Variants in PCDHGA7 observed in about 807,000 individuals in gnomAD.
PCDHGA7 encodes protocadherin gamma subfamily A, 7.
In PCDHGA7, 44 loss-of-function variants were observed where a neutral mutation model predicts 58.3. The ratio of observed to expected loss-of-function variants is 0.75; its 90% CI spans 0.59 to 0.97. The LOEUF is 0.97. Among genes scored for constraint, PCDHGA7 ranks in the 50% least tolerant of loss-of-function variants. The probability of loss-of-function intolerance (pLI) is 0.00; values close to 1 mark genes in which losing one functional copy is unlikely to be tolerated. For missense variants in PCDHGA7, 1,266 were observed against 1,188.7 expected (o/e 1.06, Z -0.96); for synonymous variants, 516 against 504.2 (o/e 1.02, Z -0.31).
chr5:141,463,438 CTTTTTTTT>C (rs71576115), intron 1 of PCDHGA7, among the ~76,000 whole-genome samples: 7 of 103,252 alleles, frequency 6.8e-5, no homozygotes, highest in East Asian at 2.4e-4. Flanking sequence ...TTTCCTTCTC[CTTTTTTTT>C]TTTTTTTTTT....
At position 141,491,692 on chromosome 5, in the gene PCDHGA7, C is replaced by T. The variant is rs749349869; in HGVS notation, c.2425-3115C>T. On this transcript the variant is annotated intron_variant, in intron 1 of 3. Coordinates refer to ENST00000518325, the MANE Select transcript of PCDHGA7 (RefSeq NM_018920.4). This position sits in a 1 kb window ranked among gnomAD's most constrained non-coding sequence, Gnocchi z 6.9. ...GTCCCGCTCTAATACGCTGCGGGAG[C>T]GGAGCCAGGTGAGGGGCTCGGCGCC... is the stretch of plus-strand genomic sequence containing the variant. 1 of 1,612,594 alleles carries T rather than the reference C, an allele frequency of 6.2e-7. No homozygotes were observed. The highest frequency in any genetic ancestry group is 8.5e-7 in the Non-Finnish European group (1 of 1,179,340).
intron 1 of PCDHGA7, among the ~76,000 whole-genome samples, chr5:141,470,036 C>T (rs573955901): frequency 5.3e-5 from 8 of 152,022 alleles, no homozygotes; most frequent in South Asian, 2.1e-4. Flanking sequence ...TGCTGAGGCG[C>T]GAGAACTGTT....
chr5:141,474,962 A>G (rs954703806), intron 1 of PCDHGA7, among the ~76,000 whole-genome samples: 3 of 152,256 alleles, frequency 2.0e-5, no homozygotes, highest in Non-Finnish European at 4.4e-5. Flanking sequence ...CACTATCCTA[A>G]TCATTATAAT....
At chr5:141,498,530 A>G (rs1275299749) in intron 2 of PCDHGA7, among the ~76,000 whole-genome samples, 1 of 149,364 alleles carries the variant, frequency 6.7e-6, no homozygotes, top group Non-Finnish European at 1.5e-5. Flanking sequence ...ACTGCCCTCC[A>G]GCCTGGTCTG....
intron 1 of PCDHGA7, chr5:141,426,967 T>G (rs151241654): frequency 2.2e-6 from 1 of 456,702 alleles, no homozygotes; most frequent in East Asian, 6.9e-5. Context: ...GCAATTCAAA[T>G]TGAGGTCACT....
chr5:141,384,913 T>C lies in PCDHGA7; in HGVS notation c.2014T>C (p.Leu672=). 1 of 1,613,988 alleles carries C rather than the reference T, an allele frequency of 6.2e-7. No individual in the cohort carries two copies. The highest frequency in any genetic ancestry group is 8.5e-7 in the Non-Finnish European group (1 of 1,180,014). The stretch of plus-strand genomic sequence containing the variant: ...TGTGGCTGACAGCATCCCCGAAGTC[T>C]TGGCCGACCTGGGCAGCCTTGAGCC... The part of the protein sequence containing the change: ...VAVADSIPEV[L]ADLGSLEPSD... Residue 672 remains leucine (L), a synonymous_variant, in exon 1 of 4, where the codon TTG becomes CTG. Transcript: ENST00000518325.
chr5:141,490,417 C>A lies in PCDHGA7; in HGVS notation c.2425-4390C>A, dbSNP rs767996336. ...AGTGAGCCTTGATATCTCTCCGGAC[C>A]TGCCATTTCAGATTAAGCCTTCTGA... On this transcript the variant is annotated intron_variant, in intron 1 of 3. Transcript: ENST00000518325. The surrounding 1 kb of genome is among the most constrained non-coding windows in gnomAD (Gnocchi z 5.4). 4.3e-6 allele frequency: 7 copies of A among 1,614,196 alleles called. No homozygotes were observed. In the South Asian group the frequency reaches 7.7e-5, roughly 18 times the overall value.
At chr5:141,500,369 C>T (rs1034629981) in intron 2 of PCDHGA7, among the ~76,000 whole-genome samples, 4 of 151,866 alleles carry the variant, frequency 2.6e-5, no homozygotes, top group Admixed American at 6.6e-5. Flanking sequence ...CTACCACGCC[C>T]GGCTAATTAT....
In PCDHGA7 at chr5:141,454,796, A is replaced by ATTTTTTTTTTTTTTTTTTT. The variant is rs61612330; in HGVS notation, c.2425-40000_2425-39982dup. Among the ~76,000 whole-genome samples the ATTTTTTTTTTTTTTTTTTT allele has an allele frequency of 2.8e-4, 22 of 77,458 alleles. 2 individuals are homozygous for ATTTTTTTTTTTTTTTTTTT. Among genetic ancestry groups the ATTTTTTTTTTTTTTTTTTT allele is most frequent in the East Asian group, 4.0e-4 (1 of 2,512 alleles). The allele number at this position is 77,458 out of a possible 152,430, so 50.8% of individuals were successfully genotyped here. The stretch of plus-strand genomic sequence containing the variant: ...AAGGAAATAATCCTCCATGGTTCTA[A>ATTTTTTTTTTTTTTTTTTT]TTTTTTTTTTTTTTTTTTTTTTTTT... On this transcript the variant is annotated intron_variant, in intron 1 of 3. Coordinates refer to ENST00000518325, the MANE Select transcript of PCDHGA7 (RefSeq NM_018920.4).
intron 1 of PCDHGA7, chr5:141,408,916 C>T (rs1379557230): frequency 6.8e-6 from 11 of 1,613,024 alleles, no homozygotes; most frequent in African/African-American, 2.7e-5. Flanking sequence ...CCAATGATAA[C>T]CCCCCGGTTT....
intron 1 of PCDHGA7, chr5:141,398,582 T>A: frequency 6.2e-7 from 1 of 1,614,000 alleles, no homozygotes. Context: ...GGCACAAGAT[T>A]TATACTAGAA....
intron 1 of PCDHGA7, chr5:141,410,860 T>TTTTTTTTTTTTTTTTTTG: frequency 2.3e-6 from 1 of 442,030 alleles, no homozygotes; most frequent in Non-Finnish European, 3.7e-6. Flanking sequence ...TTTTTTTTTT[T>TTTTTTTTTTTTTTTTTTG]TTTTTTTTTT....
In PCDHGA7 at chr5:141,418,848, G is replaced by A. The variant is rs770294020; in HGVS notation, c.2424+33525G>A. 20 of 1,613,836 alleles carry A rather than the reference G, an allele frequency of 1.2e-5. No individual in the cohort carries two copies. Among genetic ancestry groups the A allele is most frequent in the South Asian group, 6.6e-5 (6 of 91,080 alleles). ...AAAGACCGAGGATCTCTCTCAACAC[G>A]GTGTAAAGTAATTGTAGAAGTTGTA... On this transcript the variant is annotated intron_variant, in intron 1 of 3. Coordinates refer to ENST00000518325, the MANE Select transcript of PCDHGA7 (RefSeq NM_018920.4).
chr5:141,395,019 C>T (rs374672662), intron 1 of PCDHGA7: 5 of 1,613,986 alleles, frequency 3.1e-6, no homozygotes, highest in South Asian at 1.1e-5. Context: ...GGTAGGCGTG[C>T]CTGCCTCACA....
intron 1 of PCDHGA7, chr5:141,478,790 C>T: frequency 6.8e-7 from 1 of 1,472,906 alleles, no homozygotes. Flanking sequence ...AATTCACATC[C>T]TCAGCACTCT....
chr5:141,427,983 C>G, intron 1 of PCDHGA7: 2 of 1,596,840 alleles, frequency 1.3e-6, no homozygotes, highest in South Asian at 2.2e-5. Context: ...CGCGCTGGGG[C>G]CCGATGGCTC....
rs756464724 is a variant in PCDHGA7, at chr5:141,478,476, A to T, written c.2425-16331A>T. The T allele has an allele frequency of 5.0e-6, 8 of 1,613,838 alleles. 1 individual carries two copies. The South Asian group carries it at 7.7e-5, about 16-fold the overall frequency. The stretch of plus-strand genomic sequence containing the variant: ...GCCAGTCCACTGGCCAGCCGCCAGA[A>T]CACGCTGCGGAGCTGTGATCCGGTG... On this transcript the variant is annotated intron_variant, in intron 1 of 3. Transcript: ENST00000518325.
intron 1 of PCDHGA7, among the ~76,000 whole-genome samples, chr5:141,484,597 A>C (rs1345278081): frequency 1.3e-5 from 2 of 152,070 alleles, no homozygotes; most frequent in African/African-American, 4.8e-5. Flanking sequence ...CTCATTTAGA[A>C]TACTGGTTGA....
intron 1 of PCDHGA7, chr5:141,389,566 T>G: frequency 6.2e-7 from 1 of 1,613,278 alleles, no homozygotes; most frequent in Non-Finnish European, 8.5e-7. Context: ...CCACGGGTGC[T>G]GTACCCCGCG....
Sources: allele counts gnomAD v4.1 joint callset (sites outside exome capture counted in the v4.1 genomes callset), GRCh38; gene constraint gnomAD v4.1.1; non-coding constraint Gnocchi (gnomAD v3.1); transcripts MANE v1.5; gene names NCBI Gene and HGNC (gene_info 2026-07-23, HGNC 2026-07-21).